ZNF362: variants seen among roughly 807,000 people sequenced by gnomAD.
The protein encoded by ZNF362 is zinc finger protein 362, also known as rotund homolog.
A neutral mutation model predicts 42.9 loss-of-function variants in ZNF362; 11 were observed. The ratio of observed to expected loss-of-function variants is 0.26; its 90% CI spans 0.16 to 0.42. The LOEUF is 0.42. Ranked by LOEUF, ZNF362 falls within the 20% of genes least tolerant of loss-of-function variation. The pLI, the probability that ZNF362 is intolerant of heterozygous loss-of-function variation, is 1.00. For missense variants in ZNF362, 362 were observed against 576.2 expected (o/e 0.63, Z 3.81); for synonymous variants, 255 against 257.3 (o/e 0.99, Z 0.09).
At chr1:33,199,309 A>C in the ZNF362 span, among the ~76,000 whole-genome samples, 1 of 100,204 alleles carries the variant, frequency 1.0e-5, no homozygotes, top group Non-Finnish European at 2.1e-5. Context: ...CAGAGGAACA[A>C]AGAATGACAG....
At chr1:33,284,056 A>G (rs1646015073) in intron 6 of ZNF362, among the ~76,000 whole-genome samples, 4 of 152,266 alleles carry the variant, frequency 2.6e-5, no homozygotes, top group Admixed American at 2.6e-4. Context: ...ATTAGAGATC[A>G]GGAACCTAGA....
the ZNF362 span, among the ~76,000 whole-genome samples, chr1:33,193,602 T>C: frequency 2.6e-5 from 4 of 152,100 alleles, no homozygotes; most frequent in African/African-American, 7.2e-5. Flanking sequence ...TGCAAGGGGT[T>C]TATTGAGGGG....
At chr1:33,141,015 A>G in the ZNF362 span, among the ~76,000 whole-genome samples, 1 of 152,154 alleles carries the variant, frequency 6.6e-6, no homozygotes, top group Non-Finnish European at 1.5e-5. Context: ...TGTGCCCTGC[A>G]GGCTGCTGTC....
chr1:33,167,186 C>T, the ZNF362 span, among the ~76,000 whole-genome samples: 2 of 152,288 alleles, frequency 1.3e-5, no homozygotes, highest in East Asian at 1.9e-4. The surrounding 1 kb of genome is among the most constrained non-coding windows in gnomAD (Gnocchi z 4.2). Context: ...CTTGCCTGAC[C>T]GCCCCACGCA....
At chr1:33,156,034 A>T in the ZNF362 span, among the ~76,000 whole-genome samples, 2 of 152,142 alleles carry the variant, frequency 1.3e-5, no homozygotes, top group African/African-American at 4.8e-5. Context: ...TTTGGTGCCC[A>T]CTTATTCTAC....
intron 8 of ZNF362, 147 bp from the exon 9 acceptor site, chr1:33,298,783 C>T (rs983263412): frequency 4.2e-5 from 29 of 697,022 alleles, no homozygotes; most frequent in Non-Finnish European, 5.7e-5. Flanking sequence ...CAATGGCCGA[C>T]GCCCATCTGA....
the ZNF362 span, chr1:33,159,959 C>T: frequency 1.1e-5 from 17 of 1,595,358 alleles, no homozygotes; most frequent in East Asian, 4.5e-5. This position sits in a 1 kb window ranked among gnomAD's most constrained non-coding sequence, Gnocchi z 4.2. Flanking sequence ...GGGGGACAGT[C>T]GTCAGGGGTT....
intron 6 of ZNF362, among the ~76,000 whole-genome samples, chr1:33,293,392 T>C (rs932708303): frequency 2.0e-5 from 3 of 152,120 alleles, no homozygotes; most frequent in African/African-American, 7.2e-5. Flanking sequence ...TATAAGGAAT[T>C]TGGACTTTGT....
chr1:33,223,904 A>G, the ZNF362 span, among the ~76,000 whole-genome samples: 1 of 151,854 alleles, frequency 6.6e-6, no homozygotes, highest in African/African-American at 2.4e-5. Context: ...AAAAAAAAAA[A>G]AAAAAAGAAA....
At chr1:33,217,126 C>T in the ZNF362 span, among the ~76,000 whole-genome samples, 2 of 152,150 alleles carry the variant, frequency 1.3e-5, no homozygotes, top group Admixed American at 1.3e-4. Context: ...GCAATGACTT[C>T]CTGGCTCAGT....
At chr1:33,274,674 T>C (rs1180413111) in intron 2 of ZNF362, among the ~76,000 whole-genome samples, 1 of 152,144 alleles carries the variant, frequency 6.6e-6, no homozygotes, top group Non-Finnish European at 1.5e-5. Flanking sequence ...CATATAGATA[T>C]TGAGCCATTT....
chr1:33,293,141 G>A (rs1377144005), intron 6 of ZNF362, among the ~76,000 whole-genome samples: 2 of 152,222 alleles, frequency 1.3e-5, no homozygotes, highest in Non-Finnish European at 2.9e-5. Context: ...AGCCTGTGGG[G>A]TGAGCAGTTC....
chr1:33,153,927 G>A, the ZNF362 span, among the ~76,000 whole-genome samples: 1 of 152,356 alleles, frequency 6.6e-6, no homozygotes, highest in Non-Finnish European at 1.5e-5. Flanking sequence ...TCTAGTGAGT[G>A]AGACAGCCAC....
the ZNF362 span, among the ~76,000 whole-genome samples, chr1:33,230,021 T>C: frequency 6.6e-6 from 1 of 152,206 alleles, no homozygotes; most frequent in Non-Finnish European, 1.5e-5. Flanking sequence ...CATTCTTCTA[T>C]GCAAAAGCTG....
At chr1:33,233,596 G>A in the ZNF362 span, among the ~76,000 whole-genome samples, 32,592 of 152,062 alleles carry the variant, frequency 0.21, 3,483 homozygotes, top group South Asian at 0.28. Context: ...TAGAGACGGG[G>A]TTTCACCATG....
the ZNF362 span, among the ~76,000 whole-genome samples, chr1:33,238,372 A>AAAAT: frequency 1.8e-5 from 2 of 114,242 alleles, no homozygotes; most frequent in East Asian, 2.4e-4. Context: ...ATAATAAAAT[A>AAAAT]AAATAAAATA....
chr1:33,275,990 G>A, intron 2 of ZNF362, 110 bp from the exon 3 acceptor site: 1 of 1,225,570 alleles, frequency 8.2e-7, no homozygotes. Flanking sequence ...GACCCACGGG[G>A]ACATGGATCC....
At chr1:33,130,550 A>G in the ZNF362 span, among the ~76,000 whole-genome samples, 663 of 152,304 alleles carry the variant, frequency 4.4e-3, 11 homozygotes, top group African/African-American at 0.015. Context: ...GCTTGAAAGT[A>G]GATCCTCCCC....
the ZNF362 span, among the ~76,000 whole-genome samples, chr1:33,136,864 G>T: frequency 6.6e-6 from 1 of 151,882 alleles, no homozygotes; most frequent in African/African-American, 2.4e-5. Context: ...GGGCGTGGTG[G>T]TGCGTGCTTG....
Sources: allele counts gnomAD v4.1 joint callset (sites outside exome capture counted in the v4.1 genomes callset), GRCh38; gene constraint gnomAD v4.1.1; non-coding constraint Gnocchi (gnomAD v3.1); transcripts MANE v1.5; gene names NCBI Gene and HGNC (gene_info 2026-07-23, HGNC 2026-07-21).